Variants in PCID2 observed in about 807,000 individuals in gnomAD.
PCID2 encodes the protein PCI domain-containing protein 2.
PCID2 carries 41 observed loss-of-function variants against 61.3 expected under a neutral mutation model. The observed-to-expected ratio is 0.67, with a 90% CI of 0.52 to 0.87. The LOEUF (loss-of-function observed/expected upper bound fraction) is 0.87. Ranked by LOEUF, PCID2 falls within the 40% of genes least tolerant of loss-of-function variation. The pLI is 0.00. For synonymous variants in PCID2, 187 were observed against 177.8 expected, an observed-to-expected ratio of 1.05 and a Z score of -0.41; for missense variants, 392 against 493.4, an observed-to-expected ratio of 0.79 and a Z score of 1.95.
At position 113,181,199 on chromosome 13, in the gene PCID2, A is replaced by G; in HGVS notation, c.717T>C (p.His239=). 1.9e-6 allele frequency: 3 copies of G among 1,613,848 alleles called. No individual in the cohort carries two copies. The highest frequency in any genetic ancestry group is 1.3e-5 in the African/African-American group (1 of 75,044). The change falls in exon 10 of 14, where the codon CAT becomes CAC. Residue 239 remains histidine, a synonymous_variant. Coordinates refer to ENST00000337344, the MANE Select transcript of PCID2 (RefSeq NM_001127202.4). ...TGTTCTTCTGACTAGAACGGTGACAATGCTCAAAGGCAAATGACAGGTACT... is the reference window on the plus strand; with the variant it reads ...TGTTCTTCTGACTAGAACGGTGACAGTGCTCAAAGGCAAATGACAGGTACT... The part of the protein sequence containing the change: ...AEEYLSFAFE[H]CHRSSQKNKR...
chr13:113,172,015 G>A, the PCID2 span: 1 of 1,613,016 alleles, frequency 6.2e-7, no homozygotes, highest in Non-Finnish European at 8.5e-7. Flanking sequence ...CGGGGGTCCT[G>A]GGCTCGCAGC....
chr13:113,197,001 C>G (rs1384859890), intron 4 of PCID2, 177 bp downstream of exon 4: 1 of 1,560,046 alleles, frequency 6.4e-7, no homozygotes, highest in South Asian at 1.1e-5. Flanking sequence ...TCTTCAGATC[C>G]ATGCTAAATT....
chr13:113,200,961 C>T lies in PCID2; in HGVS notation c.37-445G>A, dbSNP rs9577215. 0.02 allele frequency among the ~76,000 whole-genome samples: 3,110 copies of T among 152,120 alleles called. 172 individuals carry two copies. The East Asian group carries it at 0.21, about 10-fold the overall frequency. On this transcript the variant is annotated intron_variant, in intron 1 of 13. Transcript: ENST00000337344. The stretch of plus-strand genomic sequence containing the variant: ...AACAGATGTTCCTGAAGCAAAAAAA[C>T]AGGTTAAGCAAATAAAAATAAGTCA...
At chr13:113,167,603 T>G in the PCID2 span, among the ~76,000 whole-genome samples, 3 of 152,248 alleles carry the variant, frequency 2.0e-5, no homozygotes, top group South Asian at 6.2e-4. Context: ...TAATTATTAG[T>G]GTTAGCATGA....
chr13:113,193,745 C>G (rs2038791864), intron 6 of PCID2, among the ~76,000 whole-genome samples: 1 of 152,084 alleles, frequency 6.6e-6, no homozygotes, highest in Non-Finnish European at 1.5e-5. Flanking sequence ...CCATTTGGTT[C>G]TTCTTTATAT....
the PCID2 span, among the ~76,000 whole-genome samples, chr13:113,169,988 T>C: frequency 1.3e-5 from 2 of 152,174 alleles, no homozygotes; most frequent in South Asian, 2.1e-4. Context: ...CTCTTCAATT[T>C]AGGGAGTCAG....
chr13:113,188,604 C>T (rs1042201899), intron 7 of PCID2: 2 of 152,204 alleles, frequency 1.3e-5, no homozygotes, highest in Non-Finnish European at 2.9e-5. Context: ...CGTAAAAGGA[C>T]AAAAAGATGG....
At chr13:113,191,964 T>C (rs1464318725) in intron 6 of PCID2, among the ~76,000 whole-genome samples, 2 of 152,174 alleles carry the variant, frequency 1.3e-5, no homozygotes, top group Non-Finnish European at 2.9e-5. Flanking sequence ...CTTTAAAAAA[T>C]GTCCTCGATG....
At chr13:113,202,240 G>A (rs1364441480) in intron 1 of PCID2, among the ~76,000 whole-genome samples, 1 of 152,198 alleles carries the variant, frequency 6.6e-6, no homozygotes, top group Non-Finnish European at 1.5e-5. Context: ...TCAACACACT[G>A]GAGCCCAACT....
intron 2 of PCID2, 43 bp from the exon 3 acceptor site, chr13:113,198,307 C>G (rs2039168336): frequency 4.9e-6 from 6 of 1,214,568 alleles, no homozygotes; most frequent in Non-Finnish European, 7.2e-6. Flanking sequence ...AATTAATAGG[C>G]ACAGAAAGAA....
intron 5 of PCID2, among the ~76,000 whole-genome samples, 197 bp from the exon 6 acceptor site, chr13:113,195,322 C>T (rs2038933838): frequency 6.6e-6 from 1 of 152,206 alleles, no homozygotes; most frequent in Non-Finnish European, 1.5e-5. Flanking sequence ...CATCCTGGGG[C>T]CCCACAATGC....
chr13:113,166,749 G>C, the PCID2 span, among the ~76,000 whole-genome samples: 1 of 152,216 alleles, frequency 6.6e-6, no homozygotes, highest in Non-Finnish European at 1.5e-5. Context: ...TGCCCCATGA[G>C]TGCGCTGAGG....
At chr13:113,199,012 ATTTC>A (rs1342230332) in intron 2 of PCID2, among the ~76,000 whole-genome samples, 2 of 152,186 alleles carry the variant, frequency 1.3e-5, no homozygotes, top group Admixed American at 6.5e-5. Flanking sequence ...TCTAGCTGAC[ATTTC>A]TTTCTAAGTT....
At chr13:113,165,275 C>G in the PCID2 span, 1 of 749,368 alleles carries the variant, frequency 1.3e-6, no homozygotes. Flanking sequence ...ACACTTCCAA[C>G]CATGTTCTAA....
chr13:113,166,689 T>C, the PCID2 span, among the ~76,000 whole-genome samples: 10 of 152,348 alleles, frequency 6.6e-5, no homozygotes, highest in African/African-American at 2.4e-4. Context: ...CTCAATCTTT[T>C]ATCACTTTTC....
At chr13:113,185,445 GA>G (rs2038025337) in intron 8 of PCID2, 39 bp downstream of exon 8, 3 of 1,455,196 alleles carry the variant, frequency 2.1e-6, no homozygotes, top group Non-Finnish European at 2.9e-6. Context: ...CAGGACAATC[GA>G]AAATTGTAAA....
intron 7 of PCID2, chr13:113,187,233 G>A (rs1477987143): frequency 1.3e-5 from 2 of 152,188 alleles, no homozygotes; most frequent in Non-Finnish European, 2.9e-5. Flanking sequence ...TATCGTAGCT[G>A]GTCTGGCACC....
chr13:113,206,925 G>T (rs529446869), intron 1 of PCID2, among the ~76,000 whole-genome samples: 1 of 152,292 alleles, frequency 6.6e-6, no homozygotes, highest in African/African-American at 2.4e-5. Context: ...ATGTGACTAC[G>T]AAGGAGTCTC....
intron 9 of PCID2, chr13:113,184,000 T>C (rs1486229059): frequency 1.0e-6 from 1 of 985,254 alleles, no homozygotes; most frequent in Non-Finnish European, 1.2e-6. Flanking sequence ...TGTCCTAATC[T>C]CCATTTCCTA....
Sources: allele counts gnomAD v4.1 joint callset (sites outside exome capture counted in the v4.1 genomes callset), GRCh38; gene constraint gnomAD v4.1.1; transcripts MANE v1.5; gene names NCBI Gene and HGNC (gene_info 2026-07-23, HGNC 2026-07-21).